Variants in DOCK3 observed in about 807,000 individuals in gnomAD.
DOCK3 encodes the protein dedicator of cytokinesis protein 3.
In DOCK3, 60 loss-of-function variants were observed where a neutral mutation model predicts 265.6. That is an observed-to-expected ratio of 0.23 (90% CI 0.18 to 0.28). DOCK3 has a LOEUF of 0.28. Among genes scored for constraint, DOCK3 ranks in the 10% least tolerant of loss-of-function variants. The probability of loss-of-function intolerance (pLI) is 1.00; values close to 1 mark genes in which losing one functional copy is unlikely to be tolerated. For synonymous variants in DOCK3, 881 were observed against 938.0 expected (o/e 0.94, Z 1.11); for missense variants, 1,981 against 2,594.3 (o/e 0.76, Z 5.14).
intron 10 of DOCK3, among the ~76,000 whole-genome samples, chr3:51,154,582 G>A (rs2085753962): frequency 6.6e-6 from 1 of 152,182 alleles, no homozygotes; most frequent in Non-Finnish European, 1.5e-5. Flanking sequence ...GAATGTCTCA[G>A]TAACCTTAGG....
At chr3:51,090,002 A>G (rs576969835) in intron 8 of DOCK3, among the ~76,000 whole-genome samples, 2 of 151,386 alleles carry the variant, frequency 1.3e-5, no homozygotes, top group Non-Finnish European at 2.9e-5. Flanking sequence ...AGTTGGAATT[A>G]CTGTCCCTAT....
chr3:50,682,270 A>G (rs921123389), intron 1 of DOCK3, among the ~76,000 whole-genome samples: 1 of 152,200 alleles, frequency 6.6e-6, no homozygotes, highest in Non-Finnish European at 1.5e-5. Context: ...ACTTTAGCCA[A>G]ACTGAACTTT....
chr3:51,122,250 C>T (rs187412696), intron 9 of DOCK3, among the ~76,000 whole-genome samples: 2 of 152,208 alleles, frequency 1.3e-5, no homozygotes, highest in Admixed American at 1.3e-4. Flanking sequence ...AAGGTCAAGG[C>T]AGGAGGATTG....
At chr3:51,168,859 A>G (rs541620392) in intron 12 of DOCK3, among the ~76,000 whole-genome samples, 10 of 152,256 alleles carry the variant, frequency 6.6e-5, no homozygotes, top group Non-Finnish European at 1.3e-4. Flanking sequence ...AAGGTCCAAT[A>G]TCTAGCATTG....
intron 9 of DOCK3, among the ~76,000 whole-genome samples, chr3:51,096,122 T>C (rs1203973552): frequency 1.3e-5 from 2 of 152,134 alleles, no homozygotes; most frequent in Admixed American, 6.5e-5. Context: ...TTGGGGTTGC[T>C]CTTCTCAAGG....
At chr3:51,137,113 C>T (rs1456431696) in intron 9 of DOCK3, among the ~76,000 whole-genome samples, 4 of 151,810 alleles carry the variant, frequency 2.6e-5, no homozygotes, top group African/African-American at 9.7e-5. Flanking sequence ...TTATAAAACC[C>T]CTTTTTTGTG....
At chr3:51,308,956 C>T (rs1395517523) in intron 27 of DOCK3, among the ~76,000 whole-genome samples, 8 of 151,624 alleles carry the variant, frequency 5.3e-5, no homozygotes, top group Non-Finnish European at 1.0e-4. Context: ...GGGTCGCGGC[C>T]GGGCAGAGGT....
At chr3:51,047,365 C>T (rs1477943640) in intron 5 of DOCK3, among the ~76,000 whole-genome samples, 2 of 151,618 alleles carry the variant, frequency 1.3e-5, no homozygotes, top group Non-Finnish European at 2.9e-5. Flanking sequence ...TGTAACAAAC[C>T]TGCACGTTGT....
intron 22 of DOCK3, among the ~76,000 whole-genome samples, chr3:51,253,286 C>T (rs542440016): frequency 7.9e-4 from 121 of 152,240 alleles, no homozygotes; most frequent in South Asian, 3.5e-3. Context: ...TGAGGATTTT[C>T]GCATCAATGT....
At chr3:51,049,850 C>A (rs748677306) in intron 5 of DOCK3, among the ~76,000 whole-genome samples, 2 of 5,944 alleles carry the variant, frequency 3.4e-4, no homozygotes, top group Non-Finnish European at 7.2e-4. Context: ...ACTGTTAGAA[C>A]TAATAAATGC....
At chr3:51,330,349 C>T in intron 33 of DOCK3, 126 bp downstream of exon 33, 1 of 770,772 alleles carries the variant, frequency 1.3e-6, no homozygotes, top group Non-Finnish European at 2.0e-6. Context: ...CTGGGTTGTT[C>T]CTGATGGTAG....
chr3:50,947,294 A>G (rs1240409760), intron 5 of DOCK3, among the ~76,000 whole-genome samples: 1 of 152,152 alleles, frequency 6.6e-6, no homozygotes, highest in Non-Finnish European at 1.5e-5. Flanking sequence ...ATAGTTTGAA[A>G]GCATTTAGTC....
intron 15 of DOCK3, 89 bp from the exon 16 acceptor site, chr3:51,227,194 A>T: frequency 6.8e-7 from 1 of 1,478,970 alleles, no homozygotes; most frequent in Non-Finnish European, 9.2e-7. Context: ...TGAGACCTTT[A>T]GACAAGAGAA....
intron 25 of DOCK3, among the ~76,000 whole-genome samples, chr3:51,276,895 A>G (rs1200767525): frequency 3.3e-5 from 5 of 152,192 alleles, no homozygotes; most frequent in Non-Finnish European, 7.3e-5. Context: ...GAAGTCTATA[A>G]TAGGATAATA....
intron 10 of DOCK3, among the ~76,000 whole-genome samples, chr3:51,152,827 G>T (rs1284533122): frequency 6.6e-6 from 1 of 152,174 alleles, no homozygotes; most frequent in African/African-American, 2.4e-5. Flanking sequence ...ACCAGCGGAG[G>T]CTGCAAAACA....
At chr3:51,147,748 C>T (rs2085370634) in intron 10 of DOCK3, among the ~76,000 whole-genome samples, 1 of 152,146 alleles carries the variant, frequency 6.6e-6, no homozygotes, top group Non-Finnish European at 1.5e-5. Flanking sequence ...AATTGGTGGA[C>T]ATTTGGGTTG....
At chr3:51,037,451 A>T (rs942847923) in intron 5 of DOCK3, among the ~76,000 whole-genome samples, 1 of 152,124 alleles carries the variant, frequency 6.6e-6, no homozygotes, top group African/African-American at 2.4e-5. Context: ...TGAACACCTC[A>T]TGAGGTTTTT....
chr3:51,012,451 C>T, intron 5 of DOCK3, among the ~76,000 whole-genome samples: 1 of 152,190 alleles, frequency 6.6e-6, no homozygotes, highest in Non-Finnish European at 1.5e-5. Context: ...CCAAGCCAGG[C>T]ACAGGATATA....
intron 19 of DOCK3, among the ~76,000 whole-genome samples, chr3:51,235,885 A>T (rs972430683): frequency 6.6e-6 from 1 of 152,222 alleles, no homozygotes; most frequent in African/African-American, 2.4e-5. Flanking sequence ...GTAAAGCCTA[A>T]CTTGCCACAC....
Sources: allele counts gnomAD v4.1 joint callset (sites outside exome capture counted in the v4.1 genomes callset), GRCh38; gene constraint gnomAD v4.1.1; transcripts MANE v1.5; gene names NCBI Gene and HGNC (gene_info 2026-07-23, HGNC 2026-07-21).